OPHN1: variants seen among roughly 807,000 people sequenced by gnomAD.
OPHN1 encodes oligophrenin-1.
OPHN1 carries 11 observed loss-of-function variants against 60.7 expected under a neutral mutation model. The observed-to-expected ratio is 0.18, with a 90% CI of 0.11 to 0.30. The LOEUF (loss-of-function observed/expected upper bound fraction) is 0.30, where lower values mean the gene tolerates loss of function less well. Among genes scored for constraint, OPHN1 ranks in the 10% least tolerant of loss-of-function variants. The pLI, the probability that OPHN1 is intolerant of heterozygous loss-of-function variation, is 1.00. For missense variants in OPHN1, 449 were observed against 611.0 expected (o/e 0.73, Z 2.80); for synonymous variants, 226 against 222.6 (o/e 1.02, Z -0.14).
At chrX:68,385,864 C>A (rs2078621947) in intron 2 of OPHN1, among the ~76,000 whole-genome samples, 1 of 112,066 alleles carries the variant, frequency 8.9e-6, no homozygotes, top group South Asian at 3.7e-4. Context: ...CAAGTAAAAA[C>A]AAAGACTGGA....
chrX:68,211,815 T>C (rs1216912560), intron 8 of OPHN1, among the ~76,000 whole-genome samples: 2 of 112,282 alleles, frequency 1.8e-5, no homozygotes, highest in Non-Finnish European at 3.8e-5. Context: ...TATAGCTATG[T>C]CCTGATCTGA....
At chrX:68,403,729 T>A (rs1266006228) in intron 2 of OPHN1, among the ~76,000 whole-genome samples, 3 of 110,200 alleles carry the variant, frequency 2.7e-5, no homozygotes, top group Non-Finnish European at 5.7e-5. Context: ...TTGTGTACGA[T>A]CCTAGGCTCA....
intron 2 of OPHN1, among the ~76,000 whole-genome samples, chrX:68,377,444 A>C (rs1420129600): frequency 9.5e-6 from 1 of 105,249 alleles, no homozygotes; most frequent in Non-Finnish European, 1.9e-5. Flanking sequence ...TATTATTATT[A>C]TTATACCTTA....
chrX:68,044,299 C>T lies in OPHN1; in HGVS notation c.*2873G>A, dbSNP rs2076825487. On this transcript the variant is annotated 3_prime_UTR_variant, in exon 25 of 25. Coordinates refer to ENST00000355520, the MANE Select transcript of OPHN1 (RefSeq NM_002547.3). Reference sequence around the variant, plus strand: ...GGAAAACAGCATGGGCTAAGAGTGGCCTGGATTCAAATCACAGTCCTTTTA... The same window carrying T: ...GGAAAACAGCATGGGCTAAGAGTGGTCTGGATTCAAATCACAGTCCTTTTA... 1 of 112,601 alleles carries T rather than the reference C, an allele frequency of 8.9e-6. No individual in the cohort carries two copies. The highest frequency in any genetic ancestry group is 9.4e-5 in the Admixed American group (1 of 10,645). The allele number at this position is 112,601 out of a possible 1,213,427, so 9.3% of individuals were successfully genotyped here.
At chrX:68,261,049 C>A (rs760832688) in intron 5 of OPHN1, among the ~76,000 whole-genome samples, 9 of 111,764 alleles carry the variant, frequency 8.1e-5, no homozygotes, top group Non-Finnish European at 1.5e-4. Flanking sequence ...ATCCCATGTC[C>A]TGTCATCAAT....
At chrX:68,139,339 T>C (rs2077233154) in intron 15 of OPHN1, among the ~76,000 whole-genome samples, 1 of 112,134 alleles carries the variant, frequency 8.9e-6, no homozygotes, top group Admixed American at 9.5e-5. Context: ...ATATGTTTTT[T>C]AAAAGAGGCA....
At chrX:68,286,973 C>G (rs769078905) in intron 3 of OPHN1, among the ~76,000 whole-genome samples, 71 of 105,239 alleles carry the variant, frequency 6.7e-4, no homozygotes, top group African/African-American at 2.4e-3. Flanking sequence ...CAAGATGCCA[C>G]TACTGCACTA....
chrX:68,112,008 G>T, intron 17 of OPHN1, 49 bp from the exon 18 acceptor site: 1 of 815,197 alleles, frequency 1.2e-6, no homozygotes, highest in Non-Finnish European at 1.9e-6. Flanking sequence ...TGGGCAACTG[G>T]ATTGAGCAAA....
chrX:68,415,970 G>T (rs775733116), intron 2 of OPHN1, among the ~76,000 whole-genome samples: 4 of 102,680 alleles, frequency 3.9e-5, no homozygotes, highest in Non-Finnish European at 7.9e-5. Flanking sequence ...AGCTGAGATC[G>T]TGCCACTGCA....
intron 15 of OPHN1, among the ~76,000 whole-genome samples, chrX:68,161,605 G>A (rs2077334579): frequency 9.0e-6 from 1 of 110,584 alleles, no homozygotes; most frequent in Non-Finnish European, 1.9e-5. Flanking sequence ...TTAGTACAAA[G>A]GAACAATCTT....
At position 68,206,581 on chromosome X, in the gene OPHN1, C is replaced by T; in HGVS notation, c.925G>A (p.Ala309Thr). The change falls in exon 10 of 25, where the codon GCT becomes ACT. Residue 309 changes from alanine to threonine, a missense_variant. Physicochemically the swap from Ala to Thr is moderately conservative, Grantham distance 58 (BLOSUM62 0). Around this residue, in one of 4 missense-constraint regions of OPHN1, gnomAD observed 166 missense variants for 278.4 expected, o/e 0.60. Coordinates refer to ENST00000355520, the MANE Select transcript of OPHN1 (RefSeq NM_002547.3). ...TMTPMEQKPG[A>T]KQGPLDLTLK... ...TGCAAACAAGAACTGACCTGCTTAG[C>T]ACCTGGCTTCTGCTCCATAGGCGTC... The T allele has an allele frequency of 8.3e-7, 1 of 1,205,887 alleles. No individual in the cohort carries two copies. The highest frequency in any genetic ancestry group is 1.1e-6 in the Non-Finnish European group (1 of 890,034).
chrX:68,295,499 T>C (rs2078090362), intron 3 of OPHN1, among the ~76,000 whole-genome samples: 1 of 112,536 alleles, frequency 8.9e-6, no homozygotes, highest in Non-Finnish European at 1.9e-5. Context: ...CAATTAATGT[T>C]ACCAAGATCC....
intron 5 of OPHN1, among the ~76,000 whole-genome samples, chrX:68,249,353 T>A (rs181041435): frequency 8.9e-6 from 1 of 112,270 alleles, no homozygotes; most frequent in Non-Finnish European, 1.9e-5. Flanking sequence ...CAAGAGCAAC[T>A]GCCCAACCAA....
intron 20 of OPHN1, among the ~76,000 whole-genome samples, chrX:68,065,147 TA>T (rs199610783): frequency 8.3e-5 from 9 of 109,058 alleles, no homozygotes; most frequent in South Asian, 3.9e-4. Context: ...ATAATAATAA[TA>T]AAAAAAAAGA....
At chrX:68,133,461 G>A in intron 15 of OPHN1, 1 of 579,161 alleles carries the variant, frequency 1.7e-6, no homozygotes. Flanking sequence ...TATGTATCTG[G>A]GTACCAGGTT....
chrX:68,430,946 T>C (rs1042927134), intron 2 of OPHN1, among the ~76,000 whole-genome samples: 1 of 112,166 alleles, frequency 8.9e-6, no homozygotes, highest in African/African-American at 3.2e-5. Flanking sequence ...CTTATAAATC[T>C]TAATCTCTCT....
chrX:68,313,229 A>C (rs1191163278), intron 2 of OPHN1, among the ~76,000 whole-genome samples: 4 of 112,030 alleles, frequency 3.6e-5, no homozygotes, highest in Non-Finnish European at 7.5e-5. Flanking sequence ...TGGGAATGTA[A>C]ATTAGTACAA....
intron 2 of OPHN1, among the ~76,000 whole-genome samples, chrX:68,389,657 TAA>T (rs34892434): frequency 1.1e-4 from 10 of 88,554 alleles, no homozygotes; most frequent in African/African-American, 4.1e-4. Flanking sequence ...TGTGATTTAG[TAA>T]AAAAAAAAAA....
intron 2 of OPHN1, among the ~76,000 whole-genome samples, chrX:68,307,972 A>G (rs1396782857): frequency 8.9e-6 from 1 of 112,187 alleles, no homozygotes; most frequent in Non-Finnish European, 1.9e-5. Context: ...GCATCCCTTT[A>G]TACTTATGAA....
Sources: allele counts gnomAD v4.1 joint callset (sites outside exome capture counted in the v4.1 genomes callset), GRCh38; gene constraint gnomAD v4.1.1; regional missense constraint gnomAD v4.1.1; transcripts MANE v1.5; gene names NCBI Gene and HGNC (gene_info 2026-07-23, HGNC 2026-07-21).